Variants in LZTS1 observed in about 807,000 individuals in gnomAD.
LZTS1 encodes leucine zipper putative tumor suppressor 1.
LZTS1 carries 31 observed loss-of-function variants against 45.8 expected under a neutral mutation model. That is an observed-to-expected ratio of 0.68 (90% CI 0.51 to 0.91). The LOEUF is 0.91. LZTS1 is among the 40% of genes least tolerant of loss of function. The pLI, the probability that LZTS1 is intolerant of heterozygous loss-of-function variation, is 0.00. For synonymous variants in LZTS1, 359 were observed against 357.3 expected, an observed-to-expected ratio of 1.00 and a Z score of -0.05; for missense variants, 821 against 788.9, an observed-to-expected ratio of 1.04 and a Z score of -0.49.
intron 1 of LZTS1, among the ~76,000 whole-genome samples, chr8:20,272,147 C>G (rs963915559): frequency 6.6e-6 from 1 of 152,196 alleles, no homozygotes; most frequent in Non-Finnish European, 1.5e-5. Context: ...AGACAATGGA[C>G]ACATTTAACT....
intron 1 of LZTS1, among the ~76,000 whole-genome samples, chr8:20,288,188 T>TCTCC (rs1437917280): frequency 2.0e-5 from 3 of 151,978 alleles, no homozygotes; most frequent in African/African-American, 7.3e-5. Context: ...CTTCCCACTG[T>TCTCC]CTCCCTCCCT....
rs545649317 is a variant in LZTS1, at chr8:20,255,365, C to T, written c.-134-50G>A. On this transcript the variant is annotated intron_variant, in intron 1 of 3. Transcript: ENST00000381569. ...TCAGCGTGGGTGGGAGTGGTCACAGCACAGTGCTGATTCCGACTTCCAGAT... is the reference window on the plus strand; with the variant it reads ...TCAGCGTGGGTGGGAGTGGTCACAGTACAGTGCTGATTCCGACTTCCAGAT... 1.4e-5 allele frequency: 18 copies of T among 1,322,998 alleles called. 1 individual carries two copies. The South Asian group carries it at 2.7e-4, about 20-fold the overall frequency. The allele number at this position is 1,322,998 out of a possible 1,614,324, so 82.0% of individuals were successfully genotyped here. A position where few individuals can be genotyped will look rare whatever the true frequency, so the allele number is the denominator to read the frequency against.
chr8:20,267,148 ACT>A lies in LZTS1; in HGVS notation c.-134-11835_-134-11834del, dbSNP rs975398540. 1.0e-4 allele frequency among the ~76,000 whole-genome samples: 15 copies of A among 150,626 alleles called. No homozygotes were observed. In the South Asian group the frequency reaches 1.7e-3, roughly 17 times the overall value. On this transcript the variant is annotated intron_variant, in intron 1 of 3. Coordinates refer to ENST00000381569, the MANE Select transcript of LZTS1 (RefSeq NM_021020.5). ...GAAAAGAAAAAAAAAGAAAACAGCT[ACT>A]CTCTTATCCGCCTCACCTCTCAGGC...
At chr8:20,267,883 C>T (rs900251093) in intron 1 of LZTS1, among the ~76,000 whole-genome samples, 6 of 152,208 alleles carry the variant, frequency 3.9e-5, no homozygotes, top group Non-Finnish European at 8.8e-5. Flanking sequence ...GATCCCAGAC[C>T]GACGGATCTG....
intron 1 of LZTS1, among the ~76,000 whole-genome samples, chr8:20,296,043 T>C (rs985360486): frequency 1.3e-5 from 2 of 152,218 alleles, no homozygotes; most frequent in Non-Finnish European, 2.9e-5. Flanking sequence ...ACTCTCTGAA[T>C]GCTGCCAGCG....
At chr8:20,287,196 G>A (rs1800807934) in intron 1 of LZTS1, among the ~76,000 whole-genome samples, 1 of 140,534 alleles carries the variant, frequency 7.1e-6, no homozygotes, top group African/African-American at 3.3e-5. Flanking sequence ...CCGGTCACTT[G>A]GAAATGAGAG....
Position 20,246,760 on chromosome 8 carries a change from C to T in LZTS1, c.*2962G>A, listed in dbSNP as rs1003372547. 3 of 152,458 alleles carry T rather than the reference C, an allele frequency of 2.0e-5. No homozygotes were observed. The highest frequency in any genetic ancestry group is 7.2e-5 in the African/African-American group (3 of 41,456). 9.4% of individuals were successfully genotyped at this position (152,458 alleles called of 1,614,324 possible). ...CCCAGGTCCAGGGGCAGAGTCCGAT[C>T]CTTGGTGAGGTGATGCGGAGTGCTG... On this transcript the variant is annotated 3_prime_UTR_variant, in exon 4 of 4. Transcript: ENST00000381569.
intron 1 of LZTS1, among the ~76,000 whole-genome samples, chr8:20,276,181 A>C (rs77819473): frequency 0.015 from 2,335 of 152,242 alleles, 57 homozygotes; most frequent in African/African-American, 0.054. Context: ...TGATATTATA[A>C]AATATATATT....
At chr8:20,284,213 T>C (rs920200149) in intron 1 of LZTS1, among the ~76,000 whole-genome samples, 5 of 152,132 alleles carry the variant, frequency 3.3e-5, no homozygotes, top group African/African-American at 9.7e-5. Flanking sequence ...CAAACACGCT[T>C]TGAGAAGAGA....
intron 1 of LZTS1, among the ~76,000 whole-genome samples, chr8:20,299,505 T>A (rs6990085): frequency 0.53 from 81,137 of 152,070 alleles, 22,006 homozygotes; most frequent in Admixed American, 0.58. Flanking sequence ...TTTTAGTCTC[T>A]AAGCATTATT....
rs1800066915 is a variant in LZTS1 at position 20,255,187 on chromosome 8, C to T, written c.-6G>A. ...AGGCTACTGACGCTGCCCATGGTGACTCGGGGCTGAGGATGGGGCAGGGCC... is the reference window on the plus strand; with the variant it reads ...AGGCTACTGACGCTGCCCATGGTGATTCGGGGCTGAGGATGGGGCAGGGCC... On this transcript the variant is annotated 5_prime_UTR_variant, in exon 2 of 4. Transcript: ENST00000381569. 1.2e-6 allele frequency: 2 copies of T among 1,607,700 alleles called. No homozygotes were observed. The highest frequency in any genetic ancestry group is 2.2e-5 in the East Asian group (1 of 44,812).
intron 1 of LZTS1, among the ~76,000 whole-genome samples, chr8:20,262,444 C>T (rs1472877641): frequency 6.6e-6 from 1 of 151,886 alleles, no homozygotes. Context: ...GTGTGCACGT[C>T]TTTGTGTGTG....
chr8:20,267,842 C>T (rs1000545425), intron 1 of LZTS1, among the ~76,000 whole-genome samples: 32 of 152,156 alleles, frequency 2.1e-4, no homozygotes, highest in Non-Finnish European at 7.4e-5. Context: ...ACACACTTTA[C>T]TTGCATGTTT....
intron 1 of LZTS1, among the ~76,000 whole-genome samples, chr8:20,256,753 G>A (rs1468321415): frequency 1.3e-5 from 2 of 152,202 alleles, no homozygotes; most frequent in African/African-American, 4.8e-5. Flanking sequence ...CATTCAGTTT[G>A]CAAAGCCTAT....
chr8:20,285,816 T>C (rs965785491), intron 1 of LZTS1, among the ~76,000 whole-genome samples: 3 of 152,174 alleles, frequency 2.0e-5, no homozygotes, highest in African/African-American at 4.8e-5. Flanking sequence ...GTGGTATTGA[T>C]ACAGGTAAAT....
chr8:20,285,954 T>C (rs75375089), intron 1 of LZTS1, among the ~76,000 whole-genome samples: 1,718 of 152,226 alleles, frequency 0.011, 30 homozygotes, highest in African/African-American at 0.04. Flanking sequence ...CCAGGATCCA[T>C]TGAGGAAAAA....
In LZTS1 at chr8:20,248,666, C is replaced by T. The variant is rs1310525264; in HGVS notation, c.*1056G>A. The T allele has an allele frequency of 2.6e-5, 4 of 152,346 alleles. 1 individual carries two copies. Among genetic ancestry groups the T allele is most frequent in the East Asian group, 1.9e-4 (1 of 5,164 alleles). The allele number at this position is 152,346 out of a possible 1,614,324, so 9.4% of individuals were successfully genotyped here. A position where few individuals can be genotyped will look rare whatever the true frequency, so the allele number is the denominator to read the frequency against. Reference sequence around the variant, plus strand: ...AAGGTGCTAAGGGGGAAAGGTTTGCCGCTAAACCTGGCTGTAGGCAGAGGA... The same window carrying T: ...AAGGTGCTAAGGGGGAAAGGTTTGCTGCTAAACCTGGCTGTAGGCAGAGGA... On this transcript the variant is annotated 3_prime_UTR_variant, in exon 4 of 4. Coordinates refer to ENST00000381569, the MANE Select transcript of LZTS1 (RefSeq NM_021020.5).
At chr8:20,278,191 C>T (rs117217563) in intron 1 of LZTS1, among the ~76,000 whole-genome samples, 2,002 of 152,230 alleles carry the variant, frequency 0.013, 21 homozygotes, top group Non-Finnish European at 0.018. Flanking sequence ...TCAGCAGCTT[C>T]CTGATAAGAT....
At chr8:20,295,790 G>A (rs1379171375) in intron 1 of LZTS1, among the ~76,000 whole-genome samples, 1 of 152,074 alleles carries the variant, frequency 6.6e-6, no homozygotes, top group East Asian at 1.9e-4. Context: ...GGGGTGGGAA[G>A]ACACTCAGTA....
Sources: allele counts gnomAD v4.1 joint callset (sites outside exome capture counted in the v4.1 genomes callset), GRCh38; gene constraint gnomAD v4.1.1; transcripts MANE v1.5; gene names NCBI Gene and HGNC (gene_info 2026-07-23, HGNC 2026-07-21).